The following MOV10L1 variants were observed in gnomAD, a reference collection of about 807,000 sequenced individuals.
The protein encoded by MOV10L1 is RNA helicase Mov10l1.
A neutral mutation model predicts 143.8 loss-of-function variants in MOV10L1; 110 were observed. That is an observed-to-expected ratio of 0.76 (90% CI 0.66 to 0.90). The LOEUF is 0.90. MOV10L1 is among the 40% of genes least tolerant of loss of function. MOV10L1 has a pLI of 0.00. For synonymous variants in MOV10L1, 593 were observed against 581.1 expected, an observed-to-expected ratio of 1.02 and a Z score of -0.29; for missense variants, 1,406 against 1,526.8, an observed-to-expected ratio of 0.92 and a Z score of 1.32.
intron 2 of MOV10L1, among the ~76,000 whole-genome samples, chr22:50,096,990 G>T (rs937380626): frequency 1.3e-5 from 2 of 152,108 alleles, no homozygotes; most frequent in Non-Finnish European, 2.9e-5. Flanking sequence ...AGTCTAATTT[G>T]TCTCTTTTAT....
At chr22:50,103,693 A>G (rs4838830) in intron 3 of MOV10L1, among the ~76,000 whole-genome samples, 34,105 of 152,036 alleles carry the variant, frequency 0.22, 4,189 homozygotes, top group Admixed American at 0.35. Flanking sequence ...TGGTGAGATC[A>G]AGGTTTCACA....
intron 13 of MOV10L1, among the ~76,000 whole-genome samples, chr22:50,131,057 C>T (rs1036805602): frequency 8.9e-5 from 12 of 135,508 alleles, no homozygotes; most frequent in South Asian, 2.5e-4. Context: ...CCACCACGCC[C>T]GGCTAATTTT....
intron 22 of MOV10L1, among the ~76,000 whole-genome samples, chr22:50,154,965 G>A (rs1420104631): frequency 1.3e-5 from 2 of 152,038 alleles, no homozygotes; most frequent in Admixed American, 6.6e-5. Flanking sequence ...TCCATTTTGG[G>A]AGTCAGTTTG....
chr22:50,128,540 CTTT>C (rs36022529), intron 13 of MOV10L1, 33 bp downstream of exon 13: 10,972 of 477,782 alleles, frequency 0.023, no homozygotes, highest in East Asian at 0.043. Context: ...TTTCAAATGT[CTTT>C]TTTTTTTTTT....
Position 50,158,119 on chromosome 22 carries a change from C to T in MOV10L1, c.3129C>T (p.Val1043=), listed in dbSNP as rs764000584. 27 of 1,614,070 alleles carry T rather than the reference C, an allele frequency of 1.7e-5. No individual in the cohort carries two copies. The highest frequency in any genetic ancestry group is 6.7e-5 in the Admixed American group (4 of 60,006). ...TCAACCCGGCCGAGGCCGTCCAGGTCCTGCGCTACTGCTGCCTCCTGGCCC... is the reference window on the plus strand; with the variant it reads ...TCAACCCGGCCGAGGCCGTCCAGGTTCTGCGCTACTGCTGCCTCCTGGCCC... ...SWFNPAEAVQ[V]LRYCCLLAHS... Residue 1043 remains valine, a synonymous_variant, in exon 23 of 27, where the codon GTC becomes GTT. Transcript: ENST00000262794. The surrounding 1 kb of genome is among the most constrained non-coding windows in gnomAD (Gnocchi z 5.0).
In MOV10L1 at chr22:50,158,984, C is replaced by T. The variant is rs1413353361; in HGVS notation, c.3217-694C>T. 1.3e-5 allele frequency: 2 copies of T among 152,254 alleles called. No individual in the cohort carries two copies. The highest frequency in any genetic ancestry group is 2.9e-5 in the Non-Finnish European group (2 of 68,060). 9.4% of individuals were successfully genotyped at this position (152,254 alleles called of 1,614,324 possible). ...AGTAAGTTGCCAGACATCACACAGCCAGTGTCCTGGTGTCTTAACCTCAGC... is the reference window on the plus strand; with the variant it reads ...AGTAAGTTGCCAGACATCACACAGCTAGTGTCCTGGTGTCTTAACCTCAGC... On this transcript the variant is annotated intron_variant, in intron 23 of 26. Coordinates refer to ENST00000262794, the MANE Select transcript of MOV10L1 (RefSeq NM_018995.3). The surrounding 1 kb of genome is among the most constrained non-coding windows in gnomAD (Gnocchi z 5.0).
At chr22:50,160,590 T>C (rs1170883169) in intron 24 of MOV10L1, 98 bp from the exon 25 acceptor site, 1 of 1,429,058 alleles carries the variant, frequency 7.0e-7, no homozygotes, top group African/African-American at 1.4e-5. Context: ...GTCATTCTGC[T>C]ATTTAACATT....
At chr22:50,157,969 A>G (rs1342080303) in intron 22 of MOV10L1, 88 bp from the exon 23 acceptor site, 1 of 1,468,946 alleles carries the variant, frequency 6.8e-7, no homozygotes, top group Admixed American at 1.9e-5. Context: ...TTCAGTGTGT[A>G]TTCCCAGCAC....
chr22:50,141,983 A>G lies in MOV10L1; in HGVS notation c.2071-98A>G, dbSNP rs1300642190. 8 of 819,388 alleles carry G rather than the reference A, an allele frequency of 9.8e-6. No individual in the cohort carries two copies. In the African/African-American group the frequency reaches 1.4e-4, roughly 15 times the overall value. The allele number at this position is 819,388 out of a possible 1,614,324, so 50.8% of individuals were successfully genotyped here. A position where few individuals can be genotyped will look rare whatever the true frequency, so the allele number is the denominator to read the frequency against. Reference sequence around the variant, plus strand: ...ATCCAAAGAGCTGTTAAATAAATATACTAAGTAGAACACTAGATGTTTACG... The same window carrying G: ...ATCCAAAGAGCTGTTAAATAAATATGCTAAGTAGAACACTAGATGTTTACG... On this transcript the variant is annotated intron_variant, in intron 15 of 26. Coordinates refer to ENST00000262794, the MANE Select transcript of MOV10L1 (RefSeq NM_018995.3).
intron 7 of MOV10L1, 67 bp downstream of exon 7, chr22:50,114,689 T>A: frequency 6.3e-7 from 1 of 1,585,294 alleles, no homozygotes; most frequent in South Asian, 1.2e-5. Flanking sequence ...TTGTGAGTTC[T>A]GGACAGAGGG....
At chr22:50,092,566 G>A (rs2062479520) in intron 2 of MOV10L1, among the ~76,000 whole-genome samples, 1 of 152,114 alleles carries the variant, frequency 6.6e-6, no homozygotes, top group African/African-American at 2.4e-5. Context: ...TGAGCCCAGA[G>A]GGTCAAGGCT....
chr22:50,104,902 T>G (rs991916984), intron 3 of MOV10L1, among the ~76,000 whole-genome samples: 45 of 151,814 alleles, frequency 3.0e-4, no homozygotes, highest in African/African-American at 1.1e-3. Context: ...TTTTTTTTTT[T>G]TTTTTTAAAG....
chr22:50,122,872 C>T (rs1026827078), intron 10 of MOV10L1, among the ~76,000 whole-genome samples: 7 of 151,758 alleles, frequency 4.6e-5, no homozygotes, highest in East Asian at 1.9e-4. Flanking sequence ...GTGACTGCAG[C>T]GGCACACCAC....
chr22:50,139,646 G>A (rs73185399), intron 15 of MOV10L1, among the ~76,000 whole-genome samples: 12,806 of 152,048 alleles, frequency 0.084, 639 homozygotes, highest in South Asian at 0.17. Flanking sequence ...ACTTGTATTC[G>A]GAAAACATAT....
At position 50,111,892 on chromosome 22, in the gene MOV10L1, G is replaced by C. The variant is rs7284237; in HGVS notation, c.744-1756G>C. Among the ~76,000 whole-genome samples, 1,061 of 152,258 alleles carry C rather than the reference G, an allele frequency of 7.0e-3. 10 individuals carry two copies. Among genetic ancestry groups the C allele is most frequent in the Middle Eastern group, 0.034 (10 of 294 alleles). ...CATCAGTCTGCTTATTTTTGATCCC[G>C]ATAGAATGCAGGTTCTGTTTGGGGA... On this transcript the variant is annotated intron_variant, in intron 5 of 26. Coordinates refer to ENST00000262794, the MANE Select transcript of MOV10L1 (RefSeq NM_018995.3).
At chr22:50,157,947 T>G (rs1047721778) in intron 22 of MOV10L1, 110 bp from the exon 23 acceptor site, 22 of 1,297,776 alleles carry the variant, frequency 1.7e-5, no homozygotes, top group Non-Finnish European at 2.4e-5. Flanking sequence ...AGCAGGGATT[T>G]ATTCTGTCAT....
intron 15 of MOV10L1, among the ~76,000 whole-genome samples, chr22:50,136,887 C>T (rs1028814539): frequency 2.0e-5 from 3 of 152,108 alleles, no homozygotes; most frequent in East Asian, 1.9e-4. Context: ...ATAGCTGTGC[C>T]CACAGCCAGA....
At chr22:50,145,252 C>G (rs1442914032) in intron 18 of MOV10L1, among the ~76,000 whole-genome samples, 1 of 152,142 alleles carries the variant, frequency 6.6e-6, no homozygotes, top group Non-Finnish European at 1.5e-5. Context: ...TGAAATATTG[C>G]GTTTAAAAAA....
At chr22:50,153,520 G>A (rs1289298795) in intron 22 of MOV10L1, among the ~76,000 whole-genome samples, 1 of 152,200 alleles carries the variant, frequency 6.6e-6, no homozygotes, top group Non-Finnish European at 1.5e-5. Flanking sequence ...AGGGCCTGGG[G>A]AAGCTCGCAG....
Sources: allele counts gnomAD v4.1 joint callset (sites outside exome capture counted in the v4.1 genomes callset), GRCh38; gene constraint gnomAD v4.1.1; non-coding constraint Gnocchi (gnomAD v3.1); transcripts MANE v1.5; gene names NCBI Gene and HGNC (gene_info 2026-07-23, HGNC 2026-07-21).